Variants in KITLG observed in about 807,000 individuals in gnomAD.
KITLG encodes c-Kit ligand.
A neutral mutation model predicts 34.1 loss-of-function variants in KITLG; 13 were observed. The ratio of observed to expected loss-of-function variants is 0.38; its 90% confidence interval spans 0.25 to 0.61. KITLG has a LOEUF of 0.61. Among genes scored for constraint, KITLG ranks in the 20% least tolerant of loss-of-function variants. KITLG has a pLI of 0.60. For synonymous variants in KITLG, 110 were observed against 104.0 expected (o/e 1.06, Z -0.35); for missense variants, 292 against 318.9 (o/e 0.92, Z 0.64).
chr12:88,528,665 G>T (rs1869968121), intron 3 of KITLG, among the ~76,000 whole-genome samples: 1 of 152,146 alleles, frequency 6.6e-6, no homozygotes, highest in Admixed American at 6.6e-5. Flanking sequence ...AAATGGCCAT[G>T]TATGCATCAG....
chr12:88,523,278 G>A (rs1328545749), intron 3 of KITLG, among the ~76,000 whole-genome samples: 2 of 152,196 alleles, frequency 1.3e-5, no homozygotes, highest in African/African-American at 4.8e-5. Flanking sequence ...AATTGTATAA[G>A]CGGGAAAATC....
At chr12:88,545,933 A>G in intron 1 of KITLG, 68 bp from the exon 2 acceptor site, 1 of 897,312 alleles carries the variant, frequency 1.1e-6, no homozygotes, top group Non-Finnish European at 1.9e-6. Context: ...AACTTTTAAC[A>G]TCTAATGCCT....
intron 6 of KITLG, 80 bp from the exon 7 acceptor site, chr12:88,507,217 T>C: frequency 1.1e-6 from 1 of 871,246 alleles, no homozygotes; most frequent in South Asian, 1.4e-5. Flanking sequence ...TGTTTTTAAC[T>C]GTTTCTGTAA....
chr12:88,571,042 T>C (rs1326652053), intron 1 of KITLG, among the ~76,000 whole-genome samples: 1 of 152,198 alleles, frequency 6.6e-6, no homozygotes, highest in Non-Finnish European at 1.5e-5. Context: ...TTTATGAGTG[T>C]CAAATAAGAT....
intron 2 of KITLG, among the ~76,000 whole-genome samples, chr12:88,543,095 TC>T (rs1252076718): frequency 6.6e-6 from 1 of 152,108 alleles, no homozygotes; most frequent in Non-Finnish European, 1.5e-5. Flanking sequence ...CTTGGTGTAG[TC>T]CCAGGCACCT....
At chr12:88,519,650 T>G (rs1869585956) in intron 3 of KITLG, among the ~76,000 whole-genome samples, 1 of 152,104 alleles carries the variant, frequency 6.6e-6, no homozygotes, top group Non-Finnish European at 1.5e-5. Flanking sequence ...AGAGACAGGC[T>G]CTCTCTCTGA....
At chr12:88,574,290 GA>G (rs5799871) in intron 1 of KITLG, among the ~76,000 whole-genome samples, 95,926 of 139,258 alleles carry the variant, frequency 0.69, 35,435 homozygotes, top group Middle Eastern at 0.85. Flanking sequence ...ACTGCTAAAA[GA>G]AAAAAAAAAA....
chr12:88,520,784 T>C (rs564733117), intron 3 of KITLG, among the ~76,000 whole-genome samples: 42 of 152,304 alleles, frequency 2.8e-4, no homozygotes, highest in African/African-American at 9.9e-4. Context: ...ATCACTATTT[T>C]CAACCGAACT....
In KITLG at chr12:88,530,082, G is replaced by C. The variant is rs577936762; in HGVS notation, c.192+2359C>G. ...ATACCAGCACAAAAAATTCTATTTAGTTGTTTTCAGTTTAGCATTTGTTTT... is the reference window on the plus strand; with the variant it reads ...ATACCAGCACAAAAAATTCTATTTACTTGTTTTCAGTTTAGCATTTGTTTT... On this transcript the variant is annotated intron_variant, in intron 3 of 9. Coordinates refer to ENST00000644744, the MANE Select transcript of KITLG (RefSeq NM_000899.5). 3.9e-5 allele frequency among the ~76,000 whole-genome samples: 6 copies of C among 152,232 alleles called. No homozygotes were observed. In the East Asian group the frequency reaches 1.2e-3, roughly 29 times the overall value.
At chr12:88,577,213 A>G (rs886733876) in intron 1 of KITLG, among the ~76,000 whole-genome samples, 6 of 152,202 alleles carry the variant, frequency 3.9e-5, no homozygotes, top group Admixed American at 1.3e-4. Context: ...CCACATGACA[A>G]ACTTCATACA....
intron 6 of KITLG, among the ~76,000 whole-genome samples, chr12:88,511,606 A>C (rs184221148): frequency 6.6e-6 from 1 of 152,296 alleles, no homozygotes; most frequent in East Asian, 1.9e-4. Context: ...TTACTGGTCC[A>C]ATAATAAGCT....
At chr12:88,513,031 C>T (rs961365399) in intron 6 of KITLG, among the ~76,000 whole-genome samples, 7 of 151,702 alleles carry the variant, frequency 4.6e-5, no homozygotes, top group South Asian at 2.1e-4. Flanking sequence ...CTTTAAAATA[C>T]GTATGACAGT....
At chr12:88,501,306 T>C (rs534695687) in intron 9 of KITLG, among the ~76,000 whole-genome samples, 18 of 152,300 alleles carry the variant, frequency 1.2e-4, no homozygotes, top group Non-Finnish European at 2.6e-4. Flanking sequence ...GGAGAAATCC[T>C]TGCCATAAAC....
intron 1 of KITLG, among the ~76,000 whole-genome samples, chr12:88,554,142 T>G (rs1356730871): frequency 6.6e-6 from 1 of 152,120 alleles, no homozygotes; most frequent in Non-Finnish European, 1.5e-5. Context: ...TTGCAACACA[T>G]AAGTCACACT....
chr12:88,575,694 G>C (rs1871803615), intron 1 of KITLG, among the ~76,000 whole-genome samples: 2 of 152,100 alleles, frequency 1.3e-5, no homozygotes, highest in South Asian at 4.1e-4. Context: ...ACGTGACTAA[G>C]ACCAAGAACA....
At chr12:88,531,598 C>T (rs1349349858) in intron 3 of KITLG, among the ~76,000 whole-genome samples, 2 of 151,944 alleles carry the variant, frequency 1.3e-5, no homozygotes, top group Non-Finnish European at 2.9e-5. Flanking sequence ...TAAACACATA[C>T]ACTTGTTGTA....
intron 3 of KITLG, among the ~76,000 whole-genome samples, chr12:88,524,233 G>A (rs1465077468): frequency 6.6e-6 from 1 of 152,166 alleles, no homozygotes; most frequent in Non-Finnish European, 1.5e-5. Flanking sequence ...TGTGACTGCA[G>A]AGCTAAAATT....
intron 9 of KITLG, among the ~76,000 whole-genome samples, chr12:88,498,054 A>G (rs555402644): frequency 6.6e-6 from 1 of 152,336 alleles, no homozygotes; most frequent in Non-Finnish European, 1.5e-5. Context: ...ACTAGCTTTC[A>G]GATGTTTCAA....
At chr12:88,507,797 G>A (rs553509370) in intron 6 of KITLG, among the ~76,000 whole-genome samples, 3 of 152,224 alleles carry the variant, frequency 2.0e-5, no homozygotes, top group Admixed American at 1.3e-4. Flanking sequence ...CCCATACTAC[G>A]TCTAAATAAG....
Sources: gnomAD v4.1 joint callset for allele counts (sites outside exome capture counted in the v4.1 genomes callset) on GRCh38, gnomAD v4.1.1 for gene constraint, MANE v1.5 for transcripts, NCBI Gene and HGNC (gene_info 2026-07-23, HGNC 2026-07-21) for gene names.